Variants in ST6GAL2 observed in about 807,000 individuals in gnomAD.
ST6GAL2 encodes the protein ST6 beta-galactoside alpha-2,6-sialyltransferase 2.
A neutral mutation model predicts 37.5 loss-of-function variants in ST6GAL2; 24 were observed. The ratio of observed to expected loss-of-function variants is 0.64; its 90% CI spans 0.46 to 0.90. The LOEUF (loss-of-function observed/expected upper bound fraction) is 0.90. Among genes scored for constraint, ST6GAL2 ranks in the 40% least tolerant of loss-of-function variants. ST6GAL2 has a pLI of 0.00. For synonymous variants in ST6GAL2, 306 were observed against 295.1 expected, an observed-to-expected ratio of 1.04 and a Z score of -0.38; for missense variants, 715 against 712.7, an observed-to-expected ratio of 1.00 and a Z score of -0.04.
chr2:106,886,717 C>G (rs1340804044), upstream of ST6GAL2: 1 of 151,908 alleles, frequency 6.6e-6, no homozygotes. Context: ...TCATCCTTCC[C>G]GCTCCAGGCT....
At position 106,858,977 on chromosome 2, in the gene ST6GAL2, G is replaced by C. The variant is rs371142262; in HGVS notation, c.-57-14943C>G. Among the ~76,000 whole-genome samples the C allele has an allele frequency of 3.1e-3, 476 of 152,240 alleles. 5 individuals are homozygous for C. Among genetic ancestry groups the C allele is most frequent in the African/African-American group, 0.011 (452 of 41,514 alleles). On this transcript the variant is annotated intron_variant, in intron 1 of 5. Transcript: ENST00000409382. ...GAAGGTGTGCAGGCATGGGAGTGGG[G>C]GCAGGCAGCAGATGGCAGCACACGT... is the stretch of plus-strand genomic sequence containing the variant.
intron 1 of ST6GAL2, among the ~76,000 whole-genome samples, chr2:106,865,261 T>A (rs1677976144): frequency 1.3e-5 from 2 of 152,236 alleles, no homozygotes; most frequent in African/African-American, 4.8e-5. Context: ...CACTACTGTA[T>A]CTTACTCCAT....
At chr2:106,832,058 C>A (rs1366497424) in intron 4 of ST6GAL2, among the ~76,000 whole-genome samples, 1 of 152,154 alleles carries the variant, frequency 6.6e-6, no homozygotes, top group Non-Finnish European at 1.5e-5. Context: ...TGTTTCAGCC[C>A]TATTGCATAA....
At chr2:106,835,974 T>C (rs1030004213) in intron 2 of ST6GAL2, among the ~76,000 whole-genome samples, 5 of 152,236 alleles carry the variant, frequency 3.3e-5, no homozygotes, top group Admixed American at 1.3e-4. Flanking sequence ...GTAGAAAAAC[T>C]AGATTACCCA....
Position 106,839,212 on chromosome 2 carries a change from T to C in ST6GAL2, c.943+3823A>G, listed in dbSNP as rs115665867. On this transcript the variant is annotated intron_variant, in intron 2 of 5. Transcript: ENST00000409382. The stretch of plus-strand genomic sequence containing the variant: ...CAAGCCTGCTTCTCTCTTCTGTCCC[T>C]ACGAGCCCATGTACTCCCTGTAGCT... Among the ~76,000 whole-genome samples, 518 of 152,262 alleles carry C rather than the reference T, an allele frequency of 3.4e-3. 5 individuals are homozygous for C. Among genetic ancestry groups the C allele is most frequent in the African/African-American group, 0.012 (495 of 41,544 alleles).
intron 5 of ST6GAL2, among the ~76,000 whole-genome samples, chr2:106,811,185 T>C (rs1265295375): frequency 6.6e-6 from 1 of 152,194 alleles, no homozygotes; most frequent in Non-Finnish European, 1.5e-5. Context: ...ATATAATAAA[T>C]AGTGAAAATT....
intron 1 of ST6GAL2, among the ~76,000 whole-genome samples, chr2:106,865,418 G>A (rs551004774): frequency 6.6e-6 from 1 of 152,320 alleles, no homozygotes; most frequent in South Asian, 2.1e-4. Flanking sequence ...AAAACAGTAT[G>A]TGTCTACGTG....
At chr2:106,886,777 C>G (rs1368587647), upstream of ST6GAL2, 1 of 151,976 alleles carries the variant, frequency 6.6e-6, no homozygotes, top group East Asian at 2.0e-4. Context: ...GCCCCCTCCC[C>G]GCGCCCCCGG....
At chr2:106,880,020 TACATAC>T (rs1678683864) in intron 1 of ST6GAL2, among the ~76,000 whole-genome samples, 2 of 149,300 alleles carry the variant, frequency 1.3e-5, no homozygotes, top group East Asian at 3.9e-4. Context: ...ACCAATTATA[TACATAC>T]CTAATGTATA....
Position 106,843,404 on chromosome 2 carries a change from C to T in ST6GAL2, c.574G>A (p.Gly192Ser), listed in dbSNP as rs143354621. ...RSHVLEEGDD[G>S]DRLYSSMSRA... ...GACATGGAGGAGTACAGCCTGTCGC[C>T]GTCGTCGCCCTCCTCCAACACGTGG... Residue 192 changes from glycine to serine, a missense_variant, in exon 2 of 6, where the codon GGC (glycine) becomes AGC (serine). Gly to Ser is a moderately conservative substitution (Grantham distance 56). Around this residue, in one of 3 missense-constraint regions of ST6GAL2, gnomAD observed 512 missense variants for 488.8 expected, o/e 1.05. Coordinates refer to ENST00000409382, the MANE Select transcript of ST6GAL2 (RefSeq NM_001142351.2). 4.3e-6 allele frequency: 7 copies of T among 1,614,120 alleles called. No homozygotes were observed. The highest frequency in any genetic ancestry group is 1.6e-4 in the Middle Eastern group (1 of 6,062).
chr2:106,854,967 T>C (rs1677517499), intron 1 of ST6GAL2, among the ~76,000 whole-genome samples: 1 of 151,508 alleles, frequency 6.6e-6, no homozygotes, highest in African/African-American at 2.4e-5. Context: ...GTCTCAGTCA[T>C]AAAAAGTAAC....
At chr2:106,851,641 A>G (rs1016943101) in intron 1 of ST6GAL2, among the ~76,000 whole-genome samples, 4 of 141,436 alleles carry the variant, frequency 2.8e-5, no homozygotes, top group Non-Finnish European at 6.2e-5. Flanking sequence ...TTTATTGCCC[A>G]TTTTCTTGAC....
chr2:106,834,253 A>G, intron 2 of ST6GAL2, 107 bp from the exon 3 acceptor site: 1 of 728,110 alleles, frequency 1.4e-6, no homozygotes, highest in Non-Finnish European at 2.4e-6. Context: ...ATTATACATC[A>G]CCAATAAAGT....
intron 1 of ST6GAL2, among the ~76,000 whole-genome samples, chr2:106,870,137 G>C (rs891037044): frequency 6.6e-6 from 1 of 152,084 alleles, no homozygotes; most frequent in South Asian, 2.1e-4. Context: ...TTTTGCACAG[G>C]AATCATCTGA....
upstream of ST6GAL2, chr2:106,887,007 A>T (rs1679030993): frequency 6.6e-6 from 1 of 151,858 alleles, no homozygotes; most frequent in African/African-American, 2.4e-5. Flanking sequence ...CCGCGCCTGG[A>T]CACCTCCGGG....
chr2:106,886,241 TC>T (rs958336084), upstream of ST6GAL2: 3 of 152,066 alleles, frequency 2.0e-5, no homozygotes, highest in Non-Finnish European at 4.4e-5. Flanking sequence ...GCTCCCACAC[TC>T]ACGCTGGCGC....
intron 3 of ST6GAL2, 99 bp from the exon 4 acceptor site, chr2:106,832,765 A>C: frequency 1.3e-6 from 1 of 784,410 alleles, no homozygotes; most frequent in Non-Finnish European, 2.3e-6. Context: ...GGGCAAAAAA[A>C]CAGGTGGCTC....
At chr2:106,826,196 C>T (rs1394705834) in intron 5 of ST6GAL2, among the ~76,000 whole-genome samples, 1 of 152,100 alleles carries the variant, frequency 6.6e-6, no homozygotes, top group Non-Finnish European at 1.5e-5. Context: ...TAATAAAATA[C>T]CTGAGACTGC....
chr2:106,868,687 T>G (rs1678137138), intron 1 of ST6GAL2, among the ~76,000 whole-genome samples: 1 of 152,084 alleles, frequency 6.6e-6, no homozygotes, highest in Admixed American at 6.5e-5. Context: ...AACTGAAGAA[T>G]GCCAAGGAGA....
Sources: gnomAD v4.1 joint callset for allele counts (sites outside exome capture counted in the v4.1 genomes callset) on GRCh38, gnomAD v4.1.1 for gene constraint, gnomAD v4.1.1 regional missense constraint, MANE v1.5 for transcripts, NCBI Gene and HGNC (gene_info 2026-07-23, HGNC 2026-07-21) for gene names.